Variants in MSI2 observed in about 807,000 individuals in gnomAD.
MSI2 encodes musashi RNA binding protein 2.
In MSI2, 17 loss-of-function variants were observed where a neutral mutation model predicts 45.6. The ratio of observed to expected loss-of-function variants is 0.37; its 90% CI spans 0.26 to 0.56. The LOEUF (loss-of-function observed/expected upper bound fraction) is 0.56, where lower values mean the gene tolerates loss of function less well. Among genes scored for constraint, MSI2 ranks in the 20% least tolerant of loss-of-function variants. MSI2 has a pLI of 0.77. For synonymous variants in MSI2, 156 were observed against 158.2 expected, an observed-to-expected ratio of 0.99 and a Z score of 0.11; for missense variants, 293 against 444.2, an observed-to-expected ratio of 0.66 and a Z score of 3.06.
At chr17:57,675,432 G>C in intron 12 of MSI2, among the ~76,000 whole-genome samples, 1 of 152,214 alleles carries the variant, frequency 6.6e-6, no homozygotes, top group Non-Finnish European at 1.5e-5. Flanking sequence ...CATTTCCCTG[G>C]CTGCAAAACC....
At chr17:57,476,878 C>T (rs551890556) in intron 6 of MSI2, among the ~76,000 whole-genome samples, 2 of 152,214 alleles carry the variant, frequency 1.3e-5, no homozygotes, top group South Asian at 2.1e-4. Context: ...TGGTTCTCCT[C>T]CCAGTCCCCA....
At chr17:57,353,372 G>T (rs1473808514) in intron 5 of MSI2, among the ~76,000 whole-genome samples, 2 of 152,132 alleles carry the variant, frequency 1.3e-5, no homozygotes, top group African/African-American at 4.8e-5. Flanking sequence ...TGATTGATTC[G>T]ATGTGATTCC....
intron 6 of MSI2, among the ~76,000 whole-genome samples, chr17:57,422,316 C>T (rs908767197): frequency 2.6e-5 from 4 of 152,190 alleles, no homozygotes; most frequent in Admixed American, 1.3e-4. Context: ...AAAAATTATC[C>T]GAGCATGATG....
intron 5 of MSI2, among the ~76,000 whole-genome samples, chr17:57,329,271 A>G (rs1003628392): frequency 1.3e-5 from 2 of 152,248 alleles, no homozygotes; most frequent in African/African-American, 4.8e-5. Flanking sequence ...ACCTTCAATT[A>G]CATTTGGAAA....
intron 6 of MSI2, among the ~76,000 whole-genome samples, chr17:57,439,050 G>A (rs184710466): frequency 6.6e-6 from 1 of 152,256 alleles, no homozygotes; most frequent in East Asian, 1.9e-4. Context: ...GATCCGCAGA[G>A]GCATAAGCCA....
At chr17:57,340,236 T>C (rs957419065) in intron 5 of MSI2, among the ~76,000 whole-genome samples, 2 of 152,180 alleles carry the variant, frequency 1.3e-5, no homozygotes, top group Admixed American at 1.3e-4. Flanking sequence ...GATGGGCCAT[T>C]GTGCAAACCC....
chr17:57,470,936 C>T (rs550725334), intron 6 of MSI2, among the ~76,000 whole-genome samples: 5 of 152,196 alleles, frequency 3.3e-5, no homozygotes, highest in Non-Finnish European at 7.3e-5. Flanking sequence ...GCTAGTAAAG[C>T]GAGCAGTTCC....
chr17:57,399,899 C>G (rs1293728416), intron 5 of MSI2, among the ~76,000 whole-genome samples: 3 of 152,196 alleles, frequency 2.0e-5, no homozygotes, highest in African/African-American at 7.2e-5. Flanking sequence ...CACTGTGCCC[C>G]CTGGTGTCAC....
intron 5 of MSI2, among the ~76,000 whole-genome samples, chr17:57,364,250 T>C: frequency 6.6e-6 from 1 of 152,142 alleles, no homozygotes; most frequent in East Asian, 1.9e-4. Context: ...GGAGACACAG[T>C]CCCTCCTGTG....
At chr17:57,561,411 T>C (rs994244245) in intron 7 of MSI2, among the ~76,000 whole-genome samples, 5 of 152,232 alleles carry the variant, frequency 3.3e-5, no homozygotes, top group African/African-American at 1.2e-4. Context: ...CCCGTCTTGC[T>C]GTTTTCTGAC....
At chr17:57,376,111 A>T (rs1011013761) in intron 5 of MSI2, among the ~76,000 whole-genome samples, 7 of 152,150 alleles carry the variant, frequency 4.6e-5, no homozygotes, top group Non-Finnish European at 1.0e-4. Context: ...CTGTTACAGG[A>T]TGTCTGAGAT....
intron 5 of MSI2, among the ~76,000 whole-genome samples, chr17:57,370,649 G>T (rs1030537511): frequency 6.6e-6 from 1 of 152,168 alleles, no homozygotes. Flanking sequence ...CTGCTTTGAT[G>T]GCTAGGTAAC....
intron 6 of MSI2, among the ~76,000 whole-genome samples, chr17:57,436,455 A>G (rs181953799): frequency 2.0e-5 from 3 of 152,346 alleles, no homozygotes; most frequent in East Asian, 3.9e-4. Context: ...TGTTCTGGCT[A>G]TTGGGTTCTC....
intron 9 of MSI2, among the ~76,000 whole-genome samples, chr17:57,622,623 TC>T (rs985967967): frequency 7.2e-4 from 109 of 151,918 alleles, no homozygotes; most frequent in Non-Finnish European, 8.1e-4. Flanking sequence ...GACTCAGTGT[TC>T]CCTGACATTA....
At chr17:57,323,319 A>G (rs1913500720) in intron 5 of MSI2, among the ~76,000 whole-genome samples, 1 of 152,022 alleles carries the variant, frequency 6.6e-6, no homozygotes, top group South Asian at 2.1e-4. Flanking sequence ...TTTTTTTCAG[A>G]GTTTTGACTG....
At chr17:57,690,957 A>G in the MSI2 span, among the ~76,000 whole-genome samples, 3 of 152,148 alleles carry the variant, frequency 2.0e-5, no homozygotes, top group Admixed American at 6.5e-5. Flanking sequence ...TCTGTGGTCC[A>G]TTTTGAGTTA....
At position 57,456,095 on chromosome 17, in the gene MSI2, G is replaced by A. The variant is rs75749768; in HGVS notation, c.405+54624G>A. ...TACCAAGGTGAGGGACCTCCGGGCA[G>A]CAGAACAAGAACATCGAACAACCAC... On this transcript the variant is annotated intron_variant, in intron 6 of 13. Transcript: ENST00000284073. Among the ~76,000 whole-genome samples, 25 of 152,344 alleles carry A rather than the reference G, an allele frequency of 1.6e-4. No homozygotes were observed. The East Asian group carries it at 4.1e-3, about 25-fold the overall frequency.
At chr17:57,488,944 A>G (rs2085810592) in intron 6 of MSI2, among the ~76,000 whole-genome samples, 1 of 152,098 alleles carries the variant, frequency 6.6e-6, no homozygotes, top group Non-Finnish European at 1.5e-5. Flanking sequence ...TGCCCTTCCC[A>G]TGAGTGTCTC....
chr17:57,373,775 A>G (rs937289828), intron 5 of MSI2, among the ~76,000 whole-genome samples: 1 of 152,240 alleles, frequency 6.6e-6, no homozygotes, highest in Non-Finnish European at 1.5e-5. Flanking sequence ...GATCTCCAGC[A>G]AAATAGGTTC....
Sources: allele counts gnomAD v4.1 joint callset (sites outside exome capture counted in the v4.1 genomes callset), GRCh38; gene constraint gnomAD v4.1.1; transcripts MANE v1.5; gene names NCBI Gene and HGNC (gene_info 2026-07-23, HGNC 2026-07-21).